FGF12: variants seen among roughly 807,000 people sequenced by gnomAD.
FGF12 encodes fibroblast growth factor 12, also known as fibroblast growth factor 12B.
In FGF12, 14 loss-of-function variants were observed where a neutral mutation model predicts 23.6. That is an observed-to-expected ratio of 0.59 (90% confidence interval 0.39 to 0.93). The LOEUF is 0.93. FGF12 is among the 40% of genes least tolerant of loss of function. The pLI, the probability that FGF12 is intolerant of heterozygous loss-of-function variation, is 0.00. For synonymous variants in FGF12, 62 were observed against 77.3 expected, an observed-to-expected ratio of 0.80 and a Z score of 1.04; for missense variants, 175 against 217.8, an observed-to-expected ratio of 0.80 and a Z score of 1.24.
chr3:192,507,917 T>G (rs1227913085), intron 2 of FGF12, among the ~76,000 whole-genome samples: 1 of 152,200 alleles, frequency 6.6e-6, no homozygotes, highest in Non-Finnish European at 1.5e-5. Flanking sequence ...CACAAGTTCC[T>G]TAGAGCCAAG....
rs996225326 is a variant in FGF12 at position 192,490,342 on chromosome 3, T to C, written c.14-129804A>G. Reference sequence around the variant, plus strand: ...TTATTTTTCTTCATCAAAAGTTATGTTAGTACAGGTGTATTTCATGACTCA... The same window carrying C: ...TTATTTTTCTTCATCAAAAGTTATGCTAGTACAGGTGTATTTCATGACTCA... On this transcript the variant is annotated intron_variant, in intron 2 of 5. Transcript: ENST00000445105. Among the ~76,000 whole-genome samples, 35 of 152,242 alleles carry C rather than the reference T, an allele frequency of 2.3e-4. 1 individual carries two copies. Among genetic ancestry groups the C allele is most frequent in the African/African-American group, 7.5e-4 (31 of 41,564 alleles).
At chr3:192,193,850 C>T (rs1049785834) in intron 4 of FGF12, among the ~76,000 whole-genome samples, 3 of 152,044 alleles carry the variant, frequency 2.0e-5, no homozygotes, top group East Asian at 1.9e-4. Context: ...ATACTTCTGG[C>T]CTGTCCTACA....
At chr3:192,439,977 A>G (rs1378572446) in intron 2 of FGF12, among the ~76,000 whole-genome samples, 3 of 112,230 alleles carry the variant, frequency 2.7e-5, no homozygotes, top group African/African-American at 6.2e-5. Context: ...CTCCATATGG[A>G]AAAAAAAAAA....
At position 192,514,853 on chromosome 3, in the gene FGF12, C is replaced by A. The variant is rs1429629932; in HGVS notation, c.14-154315G>T. ...TGTCTTCGGAAGCCGGGTCCCGAGT[C>A]CATCGCGCGCGCCCAGGTGGAGGGG... On this transcript the variant is annotated intron_variant, in intron 2 of 5. Transcript: ENST00000445105. The surrounding 1 kb of genome is among the most constrained non-coding windows in gnomAD (Gnocchi z 4.9). 1.0e-6 allele frequency: 1 copy of A among 985,342 alleles called. No individual in the cohort carries two copies. Among genetic ancestry groups the A allele is most frequent in the African/African-American group, 1.7e-5 (1 of 57,340 alleles). The allele number at this position is 985,342 out of a possible 1,614,324, so 61.0% of individuals were successfully genotyped here.
chr3:192,271,460 T>C (rs1713432841), intron 4 of FGF12, among the ~76,000 whole-genome samples: 1 of 152,182 alleles, frequency 6.6e-6, no homozygotes, highest in South Asian at 2.1e-4. Context: ...AAAGTCTGAT[T>C]TGGCTCAGAA....
chr3:192,421,022 G>A (rs73889326), intron 2 of FGF12, among the ~76,000 whole-genome samples: 1 of 152,122 alleles, frequency 6.6e-6, no homozygotes, highest in Non-Finnish European at 1.5e-5. Context: ...CACAATGAAG[G>A]GGGTGGAGAG....
intron 2 of FGF12, among the ~76,000 whole-genome samples, chr3:192,710,501 G>T (rs1007151579): frequency 6.6e-6 from 1 of 152,206 alleles, no homozygotes; most frequent in African/African-American, 2.4e-5. Flanking sequence ...ATATTTTTCA[G>T]ATCTGAGAAA....
At chr3:192,518,421 A>C (rs1430371986) in intron 2 of FGF12, among the ~76,000 whole-genome samples, 1 of 152,160 alleles carries the variant, frequency 6.6e-6, no homozygotes, top group African/African-American at 2.4e-5. Flanking sequence ...GGGAGTTTTG[A>C]GATATTTAAA....
chr3:192,597,469 G>A (rs1440485653), intron 2 of FGF12, among the ~76,000 whole-genome samples: 1 of 152,184 alleles, frequency 6.6e-6, no homozygotes, highest in Non-Finnish European at 1.5e-5. Context: ...CTGTTTTGCA[G>A]TGCAGGAATC....
chr3:192,692,925 C>T (rs1717992214), intron 2 of FGF12, among the ~76,000 whole-genome samples: 1 of 151,816 alleles, frequency 6.6e-6, no homozygotes, highest in Non-Finnish European at 1.5e-5. Context: ...CCTACTCTCA[C>T]CACTTCTATT....
At chr3:192,656,508 C>G (rs1236502889) in intron 2 of FGF12, among the ~76,000 whole-genome samples, 1 of 152,138 alleles carries the variant, frequency 6.6e-6, no homozygotes, top group Non-Finnish European at 1.5e-5. Flanking sequence ...GGACATTGAG[C>G]AATGCCTATA....
At chr3:192,630,360 C>T (rs1354149613) in intron 2 of FGF12, among the ~76,000 whole-genome samples, 2 of 151,976 alleles carry the variant, frequency 1.3e-5, no homozygotes, top group East Asian at 3.9e-4. Context: ...GCCTAACACA[C>T]AGCCCATGGC....
intron 2 of FGF12, among the ~76,000 whole-genome samples, chr3:192,653,461 G>A (rs902677381): frequency 1.3e-5 from 2 of 151,972 alleles, no homozygotes; most frequent in East Asian, 3.9e-4. Flanking sequence ...ATGCTCCAAC[G>A]CCACCAGTTT....
At chr3:192,366,532 A>G (rs978615630) in intron 2 of FGF12, among the ~76,000 whole-genome samples, 1 of 152,170 alleles carries the variant, frequency 6.6e-6, no homozygotes, top group Non-Finnish European at 1.5e-5. Context: ...TTTATTATGC[A>G]TAACAACTAA....
intron 2 of FGF12, among the ~76,000 whole-genome samples, chr3:192,420,379 C>T (rs753236901): frequency 5.3e-5 from 8 of 152,140 alleles, no homozygotes; most frequent in Non-Finnish European, 1.0e-4. Context: ...ACAGAGAAAT[C>T]TGGAGACTCA....
chr3:192,647,447 G>A (rs1430536525), intron 2 of FGF12, among the ~76,000 whole-genome samples: 1 of 151,888 alleles, frequency 6.6e-6, no homozygotes, highest in Non-Finnish European at 1.5e-5. Flanking sequence ...GCCAAGGTAA[G>A]ATTTAAAATT....
chr3:192,657,445 A>G (rs1716473780), intron 2 of FGF12, among the ~76,000 whole-genome samples: 1 of 151,698 alleles, frequency 6.6e-6, no homozygotes, highest in Admixed American at 6.6e-5. Context: ...GAGAACTATT[A>G]GAACTGTAAA....
intron 2 of FGF12, among the ~76,000 whole-genome samples, chr3:192,463,364 G>A (rs1722917232): frequency 6.6e-6 from 1 of 152,072 alleles, no homozygotes; most frequent in Non-Finnish European, 1.5e-5. Flanking sequence ...AGGTTGCAGT[G>A]AGCTGAGGTT....
intron 2 of FGF12, among the ~76,000 whole-genome samples, chr3:192,410,340 G>A (rs1190364162): frequency 6.6e-6 from 1 of 151,944 alleles, no homozygotes; most frequent in Admixed American, 6.5e-5. Context: ...AATCCTACGT[G>A]ATTGAGGTTT....
Sources: gnomAD v4.1 joint callset for allele counts (sites outside exome capture counted in the v4.1 genomes callset) on GRCh38, gnomAD v4.1.1 for gene constraint, Gnocchi (gnomAD v3.1) non-coding constraint, MANE v1.5 for transcripts, NCBI Gene and HGNC (gene_info 2026-07-23, HGNC 2026-07-21) for gene names.